SPAG17: variants seen among roughly 807,000 people sequenced by gnomAD.
SPAG17 encodes the protein sperm associated antigen 17.
SPAG17 carries 169 observed loss-of-function variants against 273.6 expected under a neutral mutation model. That is an observed-to-expected ratio of 0.62 (90% CI 0.55 to 0.70). The LOEUF (loss-of-function observed/expected upper bound fraction) is 0.70, where lower values mean the gene tolerates loss of function less well. Among genes scored for constraint, SPAG17 ranks in the 30% least tolerant of loss-of-function variants. SPAG17 has a pLI of 0.00. For synonymous variants in SPAG17, 825 were observed against 873.2 expected, an observed-to-expected ratio of 0.94 and a Z score of 0.97; for missense variants, 2,557 against 2,627.8, an observed-to-expected ratio of 0.97 and a Z score of 0.59.
chr1:118,085,145 T>C (rs1378419731), intron 13 of SPAG17, among the ~76,000 whole-genome samples: 1 of 152,178 alleles, frequency 6.6e-6, no homozygotes, highest in African/African-American at 2.4e-5. Flanking sequence ...CACATTAGTT[T>C]TACCCTGGTG....
At chr1:118,096,254 C>G (rs1325880687) in intron 7 of SPAG17, among the ~76,000 whole-genome samples, 1 of 152,116 alleles carries the variant, frequency 6.6e-6, no homozygotes, top group Non-Finnish European at 1.5e-5. Flanking sequence ...GTAATAGAAC[C>G]AGGGACACTC....
intron 15 of SPAG17, among the ~76,000 whole-genome samples, chr1:118,078,568 T>A (rs2102132822): frequency 6.6e-6 from 1 of 152,220 alleles, no homozygotes; most frequent in East Asian, 1.9e-4. Flanking sequence ...ACCTTATGCT[T>A]TTATCTAAAA....
chr1:118,181,292 T>C (rs557721635), intron 1 of SPAG17, among the ~76,000 whole-genome samples: 2 of 152,044 alleles, frequency 1.3e-5, no homozygotes, highest in Admixed American at 1.3e-4. Context: ...TACCAGTAAT[T>C]ACTTTAAATG....
At chr1:118,157,888 G>A (rs146602025) in intron 1 of SPAG17, among the ~76,000 whole-genome samples, 159 of 152,192 alleles carry the variant, frequency 1.0e-3, no homozygotes, top group African/African-American at 3.7e-3. Flanking sequence ...ATTATTTTGG[G>A]GGGCTTCTGC....
intron 24 of SPAG17, among the ~76,000 whole-genome samples, chr1:118,035,602 A>G (rs1310838696): frequency 6.6e-6 from 1 of 152,196 alleles, no homozygotes; most frequent in Non-Finnish European, 1.5e-5. Context: ...AGGATATTTG[A>G]CACAAGGTAA....
Position 118,030,405 on chromosome 1 carries a change from C to CT in SPAG17, c.3609+1286dup, listed in dbSNP as rs945998923. On this transcript the variant is annotated intron_variant, in intron 25 of 48. Coordinates refer to ENST00000336338, the MANE Select transcript of SPAG17 (RefSeq NM_206996.4). Reference sequence around the variant, plus strand: ...CTTGTTGCCGGTCTTTTAGAACCTTCTTTTTTTTTTTCCAAAACTATTTAT... The same window carrying CT: ...CTTGTTGCCGGTCTTTTAGAACCTTCTTTTTTTTTTTTCCAAAACTATTTAT... 6.5e-4 allele frequency among the ~76,000 whole-genome samples: 94 copies of CT among 145,472 alleles called. 1 individual carries two copies. The highest frequency in any genetic ancestry group is 2.0e-3 in the South Asian group (9 of 4,608).
intron 32 of SPAG17, among the ~76,000 whole-genome samples, chr1:118,004,387 T>A (rs541686799): frequency 2.6e-5 from 4 of 152,370 alleles, no homozygotes; most frequent in African/African-American, 9.6e-5. Flanking sequence ...AGAAGTTGTC[T>A]GCTGCCTTTC....
intron 28 of SPAG17, among the ~76,000 whole-genome samples, chr1:118,021,405 T>A (rs545241281): frequency 6.6e-6 from 1 of 151,980 alleles, no homozygotes; most frequent in East Asian, 1.9e-4. Context: ...GGTGGGGTAG[T>A]GTGTGTGTGG....
At chr1:118,113,682 G>T (rs1656902769) in intron 4 of SPAG17, among the ~76,000 whole-genome samples, 1 of 151,934 alleles carries the variant, frequency 6.6e-6, no homozygotes, top group Admixed American at 6.6e-5. Flanking sequence ...ATACTTAAAA[G>T]AAAATAAAAA....
chr1:117,987,469 A>G (rs1656548922), intron 40 of SPAG17, among the ~76,000 whole-genome samples: 1 of 152,240 alleles, frequency 6.6e-6, no homozygotes, highest in East Asian at 1.9e-4. Flanking sequence ...GACTAAAAGG[A>G]AACCAAACCA....
intron 46 of SPAG17, among the ~76,000 whole-genome samples, chr1:117,969,318 T>C (rs765960939): frequency 6.6e-6 from 1 of 152,160 alleles, no homozygotes; most frequent in Non-Finnish European, 1.5e-5. Context: ...CAGTGGCTCA[T>C]GCATGTAATC....
At chr1:118,070,217 A>C (rs1462200949) in intron 17 of SPAG17, among the ~76,000 whole-genome samples, 1 of 152,200 alleles carries the variant, frequency 6.6e-6, no homozygotes, top group Non-Finnish European at 1.5e-5. Flanking sequence ...TAAATGCTAA[A>C]TGACTTAGCA....
intron 28 of SPAG17, among the ~76,000 whole-genome samples, chr1:118,023,071 G>A (rs1647294458): frequency 6.6e-6 from 1 of 152,112 alleles, no homozygotes; most frequent in Admixed American, 6.6e-5. Flanking sequence ...GTGCAAGAAT[G>A]TATAACAACA....
chr1:118,092,333 C>A (rs1655430579), intron 8 of SPAG17, among the ~76,000 whole-genome samples: 1 of 152,154 alleles, frequency 6.6e-6, no homozygotes, highest in Non-Finnish European at 1.5e-5. Flanking sequence ...CTCTCCCAAT[C>A]CTTCAGCAGT....
intron 3 of SPAG17, among the ~76,000 whole-genome samples, chr1:118,135,934 G>C (rs891972411): frequency 1.3e-5 from 2 of 152,156 alleles, no homozygotes; most frequent in Non-Finnish European, 2.9e-5. Context: ...GCAAACTTTG[G>C]ATTTGGAGTC....
chr1:118,092,126 A>C, intron 8 of SPAG17, 124 bp from the exon 9 acceptor site: 1 of 777,308 alleles, frequency 1.3e-6, no homozygotes, highest in Non-Finnish European at 2.2e-6. Flanking sequence ...ACACCACAAA[A>C]TCATCTGCTA....
At chr1:118,144,439 A>G (rs970806568) in intron 3 of SPAG17, among the ~76,000 whole-genome samples, 1 of 152,226 alleles carries the variant, frequency 6.6e-6, no homozygotes, top group African/African-American at 2.4e-5. Flanking sequence ...TTCGGGTAAG[A>G]AATGCCTCCA....
At chr1:117,958,515 C>T (rs781577760) in intron 48 of SPAG17, among the ~76,000 whole-genome samples, 11 of 152,102 alleles carry the variant, frequency 7.2e-5, no homozygotes, top group Admixed American at 3.9e-4. Flanking sequence ...TTGAATCTCA[C>T]GAATGTCTCT....
intron 1 of SPAG17, among the ~76,000 whole-genome samples, chr1:118,152,266 A>G (rs1400112298): frequency 6.6e-6 from 1 of 152,206 alleles, no homozygotes; most frequent in Non-Finnish European, 1.5e-5. Context: ...GGGGTTGGAC[A>G]GGGCAATATC....
Sources: allele counts gnomAD v4.1 joint callset (sites outside exome capture counted in the v4.1 genomes callset), GRCh38; gene constraint gnomAD v4.1.1; transcripts MANE v1.5; gene names NCBI Gene and HGNC (gene_info 2026-07-23, HGNC 2026-07-21).